The following BRWD1 variants were observed in gnomAD, a reference collection of about 807,000 sequenced individuals.
BRWD1 encodes the protein bromodomain and WD repeat domain containing 1, also known as bromodomain and WD repeat-containing protein 1.
BRWD1 carries 82 observed loss-of-function variants against 251.2 expected under a neutral mutation model. The ratio of observed to expected loss-of-function variants is 0.33; its 90% CI spans 0.27 to 0.39. BRWD1 has a LOEUF of 0.39. Among genes scored for constraint, BRWD1 ranks in the 10% least tolerant of loss-of-function variants. BRWD1 has a pLI of 1.00. For missense variants in BRWD1, 2,233 were observed against 2,711.6 expected, an observed-to-expected ratio of 0.82 and a Z score of 3.92; for synonymous variants, 918 against 902.8, an observed-to-expected ratio of 1.02 and a Z score of -0.30.
chr21:39,188,445 T>C lies in BRWD1; in HGVS notation c.*7814A>G, dbSNP rs1320315045. The C allele has an allele frequency of 1.0e-6, 1 of 985,262 alleles. No homozygotes were observed. The highest frequency in any genetic ancestry group is 1.2e-6 in the Non-Finnish European group (1 of 829,898). 61.0% of individuals were successfully genotyped at this position (985,262 alleles called of 1,614,324 possible). ...CCACATTCTTTTTACTACTAAGTAC[T>C]AGAAAATGAGAGCTCTTTTAGTCAG... On this transcript the variant is annotated 3_prime_UTR_variant, in exon 41 of 41. Coordinates refer to ENST00000342449, the MANE Select transcript of BRWD1 (RefSeq NM_033656.4).
intron 20 of BRWD1, among the ~76,000 whole-genome samples, chr21:39,249,973 G>A (rs1235082620): frequency 1.3e-5 from 2 of 148,584 alleles, no homozygotes; most frequent in African/African-American, 2.5e-5. Flanking sequence ...CACACACATA[G>A]ATATATATAT....
intron 6 of BRWD1, among the ~76,000 whole-genome samples, 167 bp downstream of exon 6, chr21:39,296,095 ATTT>A (rs886167590): frequency 6.6e-6 from 1 of 152,150 alleles, no homozygotes; most frequent in African/African-American, 2.4e-5. Flanking sequence ...TTTTTTATTA[ATTT>A]TATTTTTAGT....
chr21:39,279,260 A>C (rs2035373259), intron 9 of BRWD1, among the ~76,000 whole-genome samples: 1 of 152,192 alleles, frequency 6.6e-6, no homozygotes, highest in Non-Finnish European at 1.5e-5. Context: ...TTGACAACTC[A>C]ATTTTTAACA....
chr21:39,289,481 G>A (rs1426467993), intron 8 of BRWD1, among the ~76,000 whole-genome samples: 1 of 150,250 alleles, frequency 6.7e-6, no homozygotes, highest in African/African-American at 2.5e-5. Context: ...TTTGTCTTAA[G>A]TCTTCATTCC....
rs191032355 is a variant in BRWD1, at chr21:39,309,535, C to A, written c.198+3306G>T. Reference sequence around the variant, plus strand: ...AAATCAAACTAATTGTAAAAAGACACCCAGGGAGGCCGGGCGCGGTGGCTC... The same window carrying A: ...AAATCAAACTAATTGTAAAAAGACAACCAGGGAGGCCGGGCGCGGTGGCTC... On this transcript the variant is annotated intron_variant, in intron 4 of 40. Transcript: ENST00000342449. 2.2e-3 allele frequency among the ~76,000 whole-genome samples: 341 copies of A among 152,078 alleles called. 2 individuals are homozygous for A. The highest frequency in any genetic ancestry group is 7.8e-3 in the African/African-American group (324 of 41,498).
chr21:39,240,952 G>A (rs1469082108), intron 21 of BRWD1, among the ~76,000 whole-genome samples: 1 of 151,528 alleles, frequency 6.6e-6, no homozygotes, highest in Non-Finnish European at 1.5e-5. Context: ...CCAGGCTGGA[G>A]GGCAGTGGCA....
chr21:39,260,959 G>A (rs1394381116), intron 17 of BRWD1, among the ~76,000 whole-genome samples: 1 of 152,144 alleles, frequency 6.6e-6, no homozygotes, highest in Non-Finnish European at 1.5e-5. Flanking sequence ...GGTGGCTCAC[G>A]CCTGTCTGTA....
At chr21:39,221,940 T>G (rs967264660) in intron 29 of BRWD1, among the ~76,000 whole-genome samples, 3 of 151,888 alleles carry the variant, frequency 2.0e-5, no homozygotes, top group African/African-American at 7.3e-5. Flanking sequence ...ATTGAACATT[T>G]CTACAAAGAT....
intron 15 of BRWD1, 101 bp from the exon 16 acceptor site, chr21:39,265,120 T>TTAA: frequency 8.8e-7 from 1 of 1,130,256 alleles, no homozygotes; most frequent in Non-Finnish European, 1.2e-6. Context: ...ATATCCCTTC[T>TTAA]GAAAAAAAAA....
Position 39,188,858 on chromosome 21 carries a change from T to C in BRWD1, c.*7401A>G, listed in dbSNP as rs1485934798. On this transcript the variant is annotated 3_prime_UTR_variant, in exon 41 of 41. Coordinates refer to ENST00000342449, the MANE Select transcript of BRWD1 (RefSeq NM_033656.4). ...TTCCAGTGAAATTCTAAGGGCACTA[T>C]GTTTTGTTCAGTGTTCAGTCTCCAG... The C allele has an allele frequency of 9.1e-6, 9 of 985,326 alleles. No individual in the cohort carries two copies. The highest frequency in any genetic ancestry group is 1.7e-5 in the African/African-American group (1 of 57,238). The allele number at this position is 985,326 out of a possible 1,614,324, so 61.0% of individuals were successfully genotyped here.
At chr21:39,249,963 C>T (rs2034340789) in intron 20 of BRWD1, among the ~76,000 whole-genome samples, 2 of 150,324 alleles carry the variant, frequency 1.3e-5, no homozygotes, top group African/African-American at 4.9e-5. Flanking sequence ...TGTGTATACA[C>T]ACACACATAG....
At chr21:39,314,314 C>T, upstream of BRWD1, 2 of 455,964 alleles carry the variant, frequency 4.4e-6, no homozygotes, top group South Asian at 1.5e-5. Flanking sequence ...AAGCCAGCAG[C>T]CCGGCAGAAA....
intron 37 of BRWD1, among the ~76,000 whole-genome samples, chr21:39,203,687 G>A (rs369410725): frequency 8.6e-5 from 13 of 150,918 alleles, no homozygotes; most frequent in Admixed American, 3.3e-4. Context: ...GATTACAAGC[G>A]TGAGCCACCG....
Position 39,188,942 on chromosome 21 carries a change from GCATGC to G in BRWD1, c.*7312_*7316del. 4.1e-6 allele frequency: 4 copies of G among 985,318 alleles called. No homozygotes were observed. Among genetic ancestry groups the G allele is most frequent in the Non-Finnish European group, 4.8e-6 (4 of 829,898 alleles). 61.0% of individuals were successfully genotyped at this position (985,318 alleles called of 1,614,324 possible). A position where few individuals can be genotyped will look rare whatever the true frequency, so the allele number is the denominator to read the frequency against. On this transcript the variant is annotated 3_prime_UTR_variant, in exon 41 of 41. Coordinates refer to ENST00000342449, the MANE Select transcript of BRWD1 (RefSeq NM_033656.4). ...CTCATCACGGCATTACTCTCATGCA[GCATGC>G]CCTTACCTCCTTCAGCTGGACTCTG...
intron 15 of BRWD1, among the ~76,000 whole-genome samples, chr21:39,265,986 T>C (rs1185837565): frequency 6.6e-6 from 1 of 152,230 alleles, no homozygotes; most frequent in Admixed American, 6.5e-5. Context: ...ATAGTTAAGT[T>C]AGTTATTTGG....
rs545544368 is a variant in BRWD1 at position 39,186,783 on chromosome 21, C to G, written c.*9476G>C. The G allele has an allele frequency of 4.8e-6, 2 of 415,450 alleles. No individual in the cohort carries two copies. The highest frequency in any genetic ancestry group is 4.4e-5 in the Admixed American group (1 of 22,654). The allele number at this position is 415,450 out of a possible 1,614,324, so 25.7% of individuals were successfully genotyped here. A position where few individuals can be genotyped will look rare whatever the true frequency, so the allele number is the denominator to read the frequency against. On this transcript the variant is annotated 3_prime_UTR_variant, in exon 41 of 41. Coordinates refer to ENST00000342449, the MANE Select transcript of BRWD1 (RefSeq NM_033656.4). ...AAAGGAATAGTAGTCTTATAGCAGG[C>G]CATTTGTCTTTTCTTTCCACCTCTC...
upstream of BRWD1, chr21:39,313,810 G>A (rs1045607676): frequency 5.5e-6 from 2 of 365,956 alleles, no homozygotes; most frequent in Admixed American, 5.2e-5. Flanking sequence ...TGACGCGGAG[G>A]CAAAGACCTG....
At chr21:39,313,320 A>G (rs34436313) in intron 1 of BRWD1, 21 bp from the exon 2 acceptor site, 896,677 of 1,526,874 alleles carry the variant, frequency 0.59, 264,815 homozygotes, top group Admixed American at 0.72. Flanking sequence ...ACAAGGAGTC[A>G]GGTCAAGCCC....
intron 18 of BRWD1, among the ~76,000 whole-genome samples, chr21:39,257,047 C>T (rs919184457): frequency 6.6e-6 from 1 of 151,988 alleles, no homozygotes; most frequent in Non-Finnish European, 1.5e-5. Context: ...AATTTAACTG[C>T]CCAAGTCATA....
Sources: allele counts gnomAD v4.1 joint callset (sites outside exome capture counted in the v4.1 genomes callset), GRCh38; gene constraint gnomAD v4.1.1; transcripts MANE v1.5; gene names NCBI Gene and HGNC (gene_info 2026-07-23, HGNC 2026-07-21).